HS6ST2: variants seen among roughly 807,000 people sequenced by gnomAD.
HS6ST2 encodes heparan sulfate 6-O-sulfotransferase 2.
HS6ST2 carries 17 observed loss-of-function variants against 33.0 expected under a neutral mutation model. That is an observed-to-expected ratio of 0.52 (90% CI 0.35 to 0.77). The LOEUF is 0.77. Among genes scored for constraint, HS6ST2 ranks in the 30% least tolerant of loss-of-function variants. HS6ST2 has a pLI of 0.01. For synonymous variants in HS6ST2, 248 were observed against 237.1 expected (o/e 1.05, Z -0.42); for missense variants, 519 against 551.7 (o/e 0.94, Z 0.59).
intron 2 of HS6ST2, among the ~76,000 whole-genome samples, chrX:132,930,457 G>A (rs1254759564): frequency 9.0e-6 from 1 of 111,380 alleles, no homozygotes; most frequent in African/African-American, 3.3e-5. Context: ...GAGCTACTGC[G>A]CCCAGCCACT....
At chrX:132,929,630 A>G (rs2066744726) in intron 2 of HS6ST2, among the ~76,000 whole-genome samples, 1 of 112,110 alleles carries the variant, frequency 8.9e-6, no homozygotes, top group Non-Finnish European at 1.9e-5. Context: ...GGGACATTAC[A>G]TAATGATAAA....
chrX:132,882,341 A>T (rs1239658480), intron 2 of HS6ST2, among the ~76,000 whole-genome samples: 4 of 110,001 alleles, frequency 3.6e-5, no homozygotes, highest in African/African-American at 1.0e-4. Context: ...GGTCCTTCAC[A>T]TCCCTTGTAA....
intron 2 of HS6ST2, among the ~76,000 whole-genome samples, chrX:132,749,521 T>C (rs762860071): frequency 1.7e-4 from 19 of 112,236 alleles, no homozygotes; most frequent in Admixed American, 4.7e-4. Flanking sequence ...ACTCACCAGA[T>C]GGTTGGCAAT....
intron 2 of HS6ST2, among the ~76,000 whole-genome samples, chrX:132,858,790 T>C (rs935667002): frequency 4.4e-5 from 5 of 112,412 alleles, no homozygotes; most frequent in African/African-American, 1.3e-4. Context: ...TCTGCAACAG[T>C]AGACAATATC....
At position 132,957,174 on chromosome X, in the gene HS6ST2, T is replaced by G. The variant is rs1602935766; in HGVS notation, c.581A>C (p.Tyr194Ser). The G allele has an allele frequency of 8.3e-7, 1 of 1,211,659 alleles. No individual in the cohort carries two copies. Among genetic ancestry groups the G allele is most frequent in the Non-Finnish European group, 1.1e-6 (1 of 895,369 alleles). Residue 194 changes from tyrosine to serine, a missense_variant, in exon 2 of 5, where the codon TAC becomes TCC. Tyr to Ser is a moderately radical substitution (Grantham distance 144). Transcript: ENST00000370833. The part of the protein sequence containing the change: ...QAFSSPVPDP[Y>S]RSEDESSARF... ...GGCGGAGCTCTCATCCTCCGAGCGG[T>G]ACGGGTCCGGCACCGGGGAGCTGAA...
At chrX:132,826,080 A>G (rs2065516370) in intron 2 of HS6ST2, among the ~76,000 whole-genome samples, 1 of 112,452 alleles carries the variant, frequency 8.9e-6, no homozygotes, top group Non-Finnish European at 1.9e-5. Context: ...AATCACAAAA[A>G]CTGCCTTGTG....
chrX:132,769,309 A>C (rs1343590633), intron 2 of HS6ST2, among the ~76,000 whole-genome samples: 1 of 112,439 alleles, frequency 8.9e-6, no homozygotes, highest in East Asian at 2.8e-4. Flanking sequence ...CATTCTGCAA[A>C]GGTTTTATTT....
At chrX:132,913,737 G>T (rs2066556929) in intron 2 of HS6ST2, among the ~76,000 whole-genome samples, 2 of 112,220 alleles carry the variant, frequency 1.8e-5, no homozygotes, top group African/African-American at 6.5e-5. Flanking sequence ...TTTTCCTGGT[G>T]AAGTGCTTGT....
chrX:132,919,082 T>C (rs919828497), intron 2 of HS6ST2, among the ~76,000 whole-genome samples: 2 of 112,061 alleles, frequency 1.8e-5, no homozygotes, highest in Non-Finnish European at 3.8e-5. Context: ...GAGTCTTTAA[T>C]GAGATGTGTA....
intron 2 of HS6ST2, among the ~76,000 whole-genome samples, chrX:132,947,923 T>C (rs2066973760): frequency 8.9e-6 from 1 of 111,901 alleles, no homozygotes; most frequent in Non-Finnish European, 1.9e-5. Context: ...ATGAGTAAAT[T>C]GAAGCTAATA....
At chrX:132,847,423 G>A (rs996986797) in intron 2 of HS6ST2, among the ~76,000 whole-genome samples, 5 of 111,370 alleles carry the variant, frequency 4.5e-5, no homozygotes, top group East Asian at 2.8e-4. Flanking sequence ...TCCTGGGGAC[G>A]TTGTGGGGGA....
chrX:132,748,997 C>T (rs1032193065), intron 2 of HS6ST2, among the ~76,000 whole-genome samples: 4 of 111,503 alleles, frequency 3.6e-5, no homozygotes, highest in Middle Eastern at 4.6e-3. Flanking sequence ...ATCTCTAAAC[C>T]GAGATTCCCC....
In HS6ST2 at chrX:132,932,799, A is replaced by G. The variant is rs189975840; in HGVS notation, c.947+24009T>C. 2.3e-3 allele frequency among the ~76,000 whole-genome samples: 250 copies of G among 106,520 alleles called. 1 individual carries two copies. Among genetic ancestry groups the G allele is most frequent in the African/African-American group, 7.9e-3 (235 of 29,605 alleles). The allele number at this position is 106,520 out of a possible 115,157, so 92.5% of individuals were successfully genotyped here. On this transcript the variant is annotated intron_variant, in intron 2 of 4. Coordinates refer to ENST00000370833, the MANE Select transcript of HS6ST2 (RefSeq NM_001394073.1). ...TCATTAAATATATAATATCCATAAA[A>G]GGATATTATGTCTATATTATATAAT...
intron 2 of HS6ST2, among the ~76,000 whole-genome samples, chrX:132,843,191 A>G (rs1432206578): frequency 8.9e-6 from 1 of 112,448 alleles, no homozygotes; most frequent in Non-Finnish European, 1.9e-5. Context: ...ACCTGAACTA[A>G]TCATGTTTAC....
At chrX:132,883,069 A>T (rs2066198433) in intron 2 of HS6ST2, among the ~76,000 whole-genome samples, 1 of 87,479 alleles carries the variant, frequency 1.1e-5, no homozygotes, top group African/African-American at 4.8e-5. Flanking sequence ...TTCATCAGGG[A>T]TATTGGTCTA....
intron 2 of HS6ST2, among the ~76,000 whole-genome samples, chrX:132,924,419 C>T (rs947560280): frequency 3.6e-5 from 4 of 111,848 alleles, no homozygotes; most frequent in Non-Finnish European, 7.5e-5. Flanking sequence ...AATCAATCCT[C>T]GCTTAGCCTA....
intron 2 of HS6ST2, among the ~76,000 whole-genome samples, chrX:132,826,444 A>G (rs760644654): frequency 1.8e-5 from 2 of 111,354 alleles, no homozygotes; most frequent in African/African-American, 3.3e-5. Context: ...GAACAAAAAC[A>G]AGTAAAATAT....
intron 3 of HS6ST2, among the ~76,000 whole-genome samples, chrX:132,680,961 C>T (rs774732711): frequency 2.9e-4 from 32 of 109,242 alleles, no homozygotes; most frequent in Non-Finnish European, 5.3e-4. Flanking sequence ...GATCAGATCG[C>T]GCCATTGCAT....
At chrX:132,858,217 A>G (rs1305476938) in intron 2 of HS6ST2, among the ~76,000 whole-genome samples, 2 of 111,940 alleles carry the variant, frequency 1.8e-5, no homozygotes, top group Non-Finnish European at 3.8e-5. Flanking sequence ...GTGACTCACC[A>G]CCAAATGTTA....
Sources: allele counts gnomAD v4.1 joint callset (sites outside exome capture counted in the v4.1 genomes callset), GRCh38; gene constraint gnomAD v4.1.1; transcripts MANE v1.5; gene names NCBI Gene and HGNC (gene_info 2026-07-23, HGNC 2026-07-21).